Variants in CDKAL1 observed in about 807,000 individuals in gnomAD.
CDKAL1 encodes the protein CDKAL1 threonylcarbamoyladenosine tRNA methylthiotransferase, also known as threonylcarbamoyladenosine tRNA methylthiotransferase.
CDKAL1 carries 32 observed loss-of-function variants against 68.2 expected under a neutral mutation model. That is an observed-to-expected ratio of 0.47 (90% CI 0.35 to 0.63). The LOEUF is 0.63. CDKAL1 is among the 30% of genes least tolerant of loss of function. The pLI is 0.00. For missense variants in CDKAL1, 606 were observed against 696.7 expected, an observed-to-expected ratio of 0.87 and a Z score of 1.47; for synonymous variants, 234 against 244.3, an observed-to-expected ratio of 0.96 and a Z score of 0.39.
chr6:21,154,390 A>G (rs938779963), intron 13 of CDKAL1, among the ~76,000 whole-genome samples: 1 of 152,258 alleles, frequency 6.6e-6, no homozygotes, highest in Non-Finnish European at 1.5e-5. Context: ...TTTATACCCT[A>G]AACAAATTAA....
At chr6:20,997,540 GC>G (rs1314329468) in intron 10 of CDKAL1, among the ~76,000 whole-genome samples, 1 of 151,478 alleles carries the variant, frequency 6.6e-6, no homozygotes, top group African/African-American at 2.4e-5. Flanking sequence ...CACGGGGGTG[GC>G]GGGGGGAGGG....
chr6:20,871,094 T>A (rs1760187107), intron 9 of CDKAL1, among the ~76,000 whole-genome samples: 1 of 152,176 alleles, frequency 6.6e-6, no homozygotes, highest in Admixed American at 6.5e-5. Context: ...TGCTAACTGA[T>A]TGAGTGGCAT....
chr6:21,050,526 C>G (rs1770484316), intron 11 of CDKAL1, among the ~76,000 whole-genome samples: 1 of 152,180 alleles, frequency 6.6e-6, no homozygotes, highest in African/African-American at 2.4e-5. Flanking sequence ...GTCCCCTACC[C>G]AAAGGCAGAA....
chr6:20,961,785 AAAAAC>A (rs1282262509), intron 10 of CDKAL1, among the ~76,000 whole-genome samples: 6 of 148,852 alleles, frequency 4.0e-5, no homozygotes, highest in African/African-American at 7.5e-5. Flanking sequence ...AAAAGAAAAG[AAAAAC>A]AAAAAAAAAA....
At chr6:21,025,130 C>T in intron 11 of CDKAL1, among the ~76,000 whole-genome samples, 1 of 152,132 alleles carries the variant, frequency 6.6e-6, no homozygotes, top group East Asian at 1.9e-4. Flanking sequence ...TTATTTCTTA[C>T]GAAGTTGATG....
chr6:21,126,200 A>G (rs149558090), intron 13 of CDKAL1, among the ~76,000 whole-genome samples: 11 of 152,298 alleles, frequency 7.2e-5, no homozygotes, highest in African/African-American at 2.2e-4. Flanking sequence ...TCTATTCCCA[A>G]TTATGTTACA....
intron 9 of CDKAL1, among the ~76,000 whole-genome samples, chr6:20,914,030 C>G (rs888496716): frequency 6.6e-6 from 1 of 152,148 alleles, no homozygotes; most frequent in African/African-American, 2.4e-5. Context: ...TGGCTCACGC[C>G]TGTGATCCCA....
intron 9 of CDKAL1, among the ~76,000 whole-genome samples, chr6:20,922,583 G>A (rs905852376): frequency 6.6e-6 from 1 of 152,188 alleles, no homozygotes; most frequent in Non-Finnish European, 1.5e-5. Flanking sequence ...AAGGTAAACT[G>A]AGGGGTGCTT....
intron 4 of CDKAL1, among the ~76,000 whole-genome samples, chr6:20,648,319 C>T (rs1049695326): frequency 2.6e-5 from 4 of 151,518 alleles, no homozygotes; most frequent in Admixed American, 2.0e-4. Flanking sequence ...TAGTAGAGAC[C>T]GGGTTTCACC....
intron 8 of CDKAL1, among the ~76,000 whole-genome samples, chr6:20,813,891 TA>T (rs1292142351): frequency 6.6e-6 from 1 of 152,080 alleles, no homozygotes; most frequent in Admixed American, 6.5e-5. Flanking sequence ...TTCAAAAAAT[TA>T]GTTATAATAT....
chr6:21,219,450 G>A (rs78423140), intron 15 of CDKAL1, among the ~76,000 whole-genome samples: 2,442 of 152,260 alleles, frequency 0.016, 41 homozygotes, highest in Middle Eastern at 0.044. Context: ...AGTTGAACTT[G>A]TGGGTGTGGA....
At chr6:20,593,465 T>G (rs1258960140) in intron 4 of CDKAL1, among the ~76,000 whole-genome samples, 1 of 152,186 alleles carries the variant, frequency 6.6e-6, no homozygotes, top group Non-Finnish European at 1.5e-5. Context: ...CTTAGAGATA[T>G]TTATAGTATT....
At chr6:21,085,548 AG>A (rs758717081) in intron 12 of CDKAL1, among the ~76,000 whole-genome samples, 2 of 152,212 alleles carry the variant, frequency 1.3e-5, no homozygotes, top group African/African-American at 2.4e-5. Flanking sequence ...TTAACAAAAA[AG>A]TAACTTTTAA....
intron 13 of CDKAL1, among the ~76,000 whole-genome samples, chr6:21,141,742 C>T (rs1775924184): frequency 6.6e-6 from 1 of 152,122 alleles, no homozygotes; most frequent in East Asian, 1.9e-4. Context: ...TTAGCTCAGG[C>T]TTTATTCGCT....
intron 4 of CDKAL1, among the ~76,000 whole-genome samples, chr6:20,612,990 T>TAC (rs55999857): frequency 0.044 from 5,684 of 129,798 alleles, 143 homozygotes; most frequent in Non-Finnish European, 0.061. Flanking sequence ...TTGCAATTTC[T>TAC]ACACACACAC....
chr6:20,639,814 G>A (rs747744519), intron 4 of CDKAL1, among the ~76,000 whole-genome samples: 1 of 152,158 alleles, frequency 6.6e-6, no homozygotes, highest in Non-Finnish European at 1.5e-5. Flanking sequence ...GGGATTACAG[G>A]CATGTGCCAC....
chr6:20,828,444 C>T (rs996574497), intron 8 of CDKAL1, among the ~76,000 whole-genome samples: 1 of 151,786 alleles, frequency 6.6e-6, no homozygotes, highest in African/African-American at 2.4e-5. Context: ...GGCCAGGCTG[C>T]TCTCGAACTC....
chr6:21,206,288 A>G (rs2151113606), intron 15 of CDKAL1, among the ~76,000 whole-genome samples: 1 of 152,328 alleles, frequency 6.6e-6, no homozygotes, highest in Non-Finnish European at 1.5e-5. Flanking sequence ...AGAGGGAAAA[A>G]AATGAGAAAA....
chr6:21,134,068 G>T (rs1420873091), intron 13 of CDKAL1, among the ~76,000 whole-genome samples: 2 of 152,152 alleles, frequency 1.3e-5, no homozygotes, highest in Non-Finnish European at 2.9e-5. Context: ...GGTCGTGGGG[G>T]CGTATGTGGC....
Sources: gnomAD v4.1 joint callset for allele counts (sites outside exome capture counted in the v4.1 genomes callset) on GRCh38, gnomAD v4.1.1 for gene constraint, MANE v1.5 for transcripts, NCBI Gene and HGNC (gene_info 2026-07-23, HGNC 2026-07-21) for gene names.